The following EP300 variants were observed in gnomAD, a reference collection of about 807,000 sequenced individuals.
EP300 encodes the protein histone acetyltransferase p300.
In EP300, 31 loss-of-function variants were observed where a neutral mutation model predicts 264.0. That is an observed-to-expected ratio of 0.12 (90% CI 0.09 to 0.16). The LOEUF (loss-of-function observed/expected upper bound fraction) is 0.16. EP300 is among the 10% of genes least tolerant of loss of function. The probability of loss-of-function intolerance (pLI) is 1.00; values close to 1 mark genes in which losing one functional copy is unlikely to be tolerated. For missense variants in EP300, 2,766 were observed against 3,052.9 expected (o/e 0.91, Z 2.21); for synonymous variants, 1,340 against 1,045.4 (o/e 1.28, Z -5.44).
chr22:41,121,719 G>A (rs138299047), intron 2 of EP300, among the ~76,000 whole-genome samples: 27 of 152,316 alleles, frequency 1.8e-4, no homozygotes, highest in Non-Finnish European at 2.6e-4. Context: ...TGAAGGACCA[G>A]ATTGTTTGGG....
chr22:41,140,003 A>T, intron 8 of EP300, 137 bp from the exon 9 acceptor site: 1 of 683,832 alleles, frequency 1.5e-6, no homozygotes, highest in Non-Finnish European at 2.6e-6. Flanking sequence ...ACAAAAAGAT[A>T]ATTTCATTTC....
chr22:41,170,307 T>G lies in EP300; in HGVS notation c.4287-99T>G, dbSNP rs983324468. 2.0e-5 allele frequency: 24 copies of G among 1,173,410 alleles called. No homozygotes were observed. The African/African-American group carries it at 3.5e-4, about 17-fold the overall frequency. The allele number at this position is 1,173,410 out of a possible 1,614,324, so 72.7% of individuals were successfully genotyped here. A position where few individuals can be genotyped will look rare whatever the true frequency, so the allele number is the denominator to read the frequency against. Reference sequence around the variant, plus strand: ...ATACACTGTGTTATCTTGGGAAAAATTATTGGTATCTATATCAACTCCAAC... The same window carrying G: ...ATACACTGTGTTATCTTGGGAAAAAGTATTGGTATCTATATCAACTCCAAC... On this transcript the variant is annotated intron_variant, in intron 26 of 30. Transcript: ENST00000263253.
intron 20 of EP300, among the ~76,000 whole-genome samples, chr22:41,161,626 A>T (rs2059109128): frequency 6.6e-6 from 1 of 152,122 alleles, no homozygotes; most frequent in South Asian, 2.1e-4. Flanking sequence ...CAAAATAAAT[A>T]AAAGAAAAAA....
intron 26 of EP300, 58 bp downstream of exon 26, chr22:41,169,674 T>G: frequency 9.9e-7 from 1 of 1,010,298 alleles, no homozygotes; most frequent in Admixed American, 1.7e-5. Context: ...TCTGGTGAGA[T>G]ATAGGTTAAA....
At chr22:41,099,887 C>A (rs939782461) in intron 1 of EP300, among the ~76,000 whole-genome samples, 4 of 152,142 alleles carry the variant, frequency 2.6e-5, no homozygotes, top group Non-Finnish European at 5.9e-5. Context: ...AGATTCACTA[C>A]CCGGTCAGGT....
At chr22:41,152,152 T>C (rs2059049729) in intron 15 of EP300, 54 bp from the exon 16 acceptor site, 1 of 1,596,468 alleles carries the variant, frequency 6.3e-7, no homozygotes, top group African/African-American at 1.3e-5. Flanking sequence ...TTCAGATTAC[T>C]GATTCCCAAC....
At chr22:41,162,877 C>A in intron 21 of EP300, 98 bp downstream of exon 21, 1 of 1,039,470 alleles carries the variant, frequency 9.6e-7, no homozygotes, top group Non-Finnish European at 1.5e-6. Context: ...ATCCTATATT[C>A]TTGGGCTAAA....
intron 6 of EP300, among the ~76,000 whole-genome samples, chr22:41,135,007 A>G (rs1374008465): frequency 6.6e-6 from 1 of 152,092 alleles, no homozygotes; most frequent in Non-Finnish European, 1.5e-5. Flanking sequence ...TCCTGGGTTC[A>G]AGCGATGCTC....
intron 10 of EP300, among the ~76,000 whole-genome samples, chr22:41,146,154 T>C (rs1367388327): frequency 6.9e-6 from 1 of 144,874 alleles, no homozygotes; most frequent in African/African-American, 2.5e-5. Context: ...TTAAATGCTA[T>C]GATGGCCTCA....
rs146149759 is a variant in EP300 at position 41,113,154 on chromosome 22, T to TCCCCC, written c.95-4031_95-4030insCCCCC. On this transcript the variant is annotated intron_variant, in intron 1 of 30. Coordinates refer to ENST00000263253, the MANE Select transcript of EP300 (RefSeq NM_001429.4). Reference sequence around the variant, plus strand: ...ATAGTTGGCTTGTTTGAATCAGGATTCCACCCCCCCCCCAACTTATGCTAT... The same window carrying TCCCCC: ...ATAGTTGGCTTGTTTGAATCAGGATTCCCCCCCACCCCCCCCCCAACTTATGCTAT... Among the ~76,000 whole-genome samples, 645 of 67,806 alleles carry TCCCCC rather than the reference T, an allele frequency of 9.5e-3. 9 individuals are homozygous for TCCCCC. Among genetic ancestry groups the TCCCCC allele is most frequent in the Admixed American group, 0.028 (130 of 4,574 alleles). 44.5% of individuals were successfully genotyped at this position (67,806 alleles called of 152,430 possible). A position where few individuals can be genotyped will look rare whatever the true frequency, so the allele number is the denominator to read the frequency against.
intron 19 of EP300, 56 bp from the exon 20 acceptor site, chr22:41,160,586 T>C: frequency 1.3e-6 from 2 of 1,571,782 alleles, no homozygotes; most frequent in African/African-American, 1.3e-5. Flanking sequence ...TTGCTTGGCT[T>C]GGGCTGTGTT....
At chr22:41,152,568 C>G (rs1342066783) in intron 16 of EP300, among the ~76,000 whole-genome samples, 1 of 151,612 alleles carries the variant, frequency 6.6e-6, no homozygotes, top group Admixed American at 6.6e-5. Context: ...AAGTCATTCC[C>G]CTCATTTCTT....
At chr22:41,146,963 C>A in intron 11 of EP300, 147 bp downstream of exon 11, 1 of 740,076 alleles carries the variant, frequency 1.4e-6, no homozygotes, top group South Asian at 1.5e-5. Flanking sequence ...AGCAGGTTGG[C>A]TGGCAGATCA....
rs1003409747 is a variant in EP300 at position 41,149,883 on chromosome 22, T to G, written c.2502T>G (p.Pro834=). The G allele has an allele frequency of 6.2e-6, 10 of 1,613,934 alleles. No homozygotes were observed. Among genetic ancestry groups the G allele is most frequent in the African/African-American group, 1.3e-5 (1 of 74,870 alleles). ...CTCTTCATCAGAATTCACCCTCGCCTGTACCTAGTCGTACCCCCACCCCTC... is the reference window on the plus strand; with the variant it reads ...CTCTTCATCAGAATTCACCCTCGCCGGTACCTAGTCGTACCCCCACCCCTC... The part of the protein sequence containing the change: ...QPALHQNSPS[P]VPSRTPTPHH... The change falls in exon 14 of 31, where the codon CCT becomes CCG. Residue 834 remains proline (P), a synonymous_variant. Coordinates refer to ENST00000263253, the MANE Select transcript of EP300 (RefSeq NM_001429.4).
intron 1 of EP300, among the ~76,000 whole-genome samples, chr22:41,105,389 G>A (rs1029846152): frequency 8.0e-5 from 12 of 150,056 alleles, no homozygotes; most frequent in Admixed American, 2.0e-4. Context: ...AATGTTTTGG[G>A]TTTTTTTGTT....
chr22:41,142,429 G>A (rs1468590671), intron 10 of EP300, among the ~76,000 whole-genome samples: 1 of 152,098 alleles, frequency 6.6e-6, no homozygotes, highest in African/African-American at 2.4e-5. Flanking sequence ...GTTGGGAGGA[G>A]CAACATTGCT....
At chr22:41,127,366 A>T (rs2058888908) in intron 3 of EP300, 121 bp from the exon 4 acceptor site, 1 of 1,317,660 alleles carries the variant, frequency 7.6e-7, no homozygotes, top group East Asian at 2.4e-5. Flanking sequence ...GTGTCAAAAA[A>T]TGGAGTCTGG....
rs1000255248 is a variant in EP300 at position 41,093,190 on chromosome 22, C to T, written c.94+92C>T. On this transcript the variant is annotated intron_variant, in intron 1 of 30. Coordinates refer to ENST00000263253, the MANE Select transcript of EP300 (RefSeq NM_001429.4). ...TTCCATTTTTTTTTTCTTCCTCTCTCTCTAGTTCCCTGCCCCTTAATTAAT... is the reference window on the plus strand; with the variant it reads ...TTCCATTTTTTTTTTCTTCCTCTCTTTCTAGTTCCCTGCCCCTTAATTAAT... The T allele has an allele frequency of 1.3e-5, 16 of 1,224,072 alleles. No individual in the cohort carries two copies. In the Admixed American group the frequency reaches 1.9e-4, roughly 15 times the overall value. The allele number at this position is 1,224,072 out of a possible 1,614,324, so 75.8% of individuals were successfully genotyped here.
chr22:41,176,207 G>A (rs373316845), intron 29 of EP300, 40 bp from the exon 30 acceptor site: 27 of 1,610,076 alleles, frequency 1.7e-5, no homozygotes, highest in South Asian at 3.3e-5. Context: ...ATGACAGAGC[G>A]AGGCCCTGTC....
Sources: allele counts gnomAD v4.1 joint callset (sites outside exome capture counted in the v4.1 genomes callset), GRCh38; gene constraint gnomAD v4.1.1; transcripts MANE v1.5; gene names NCBI Gene and HGNC (gene_info 2026-07-23, HGNC 2026-07-21).